Variants in RASGRP2 observed in about 807,000 individuals in gnomAD.
RASGRP2 encodes the protein RAS guanyl releasing protein 2, also known as RAS guanyl-releasing protein 2.
A neutral mutation model predicts 71.0 loss-of-function variants in RASGRP2; 44 were observed. That is an observed-to-expected ratio of 0.62 (90% CI 0.49 to 0.80). The LOEUF (loss-of-function observed/expected upper bound fraction) is 0.80, where lower values mean the gene tolerates loss of function less well. Among genes scored for constraint, RASGRP2 ranks in the 30% least tolerant of loss-of-function variants. The pLI is 0.00. For synonymous variants in RASGRP2, 350 were observed against 330.7 expected, an observed-to-expected ratio of 1.06 and a Z score of -0.63; for missense variants, 663 against 813.4, an observed-to-expected ratio of 0.82 and a Z score of 2.25.
Position 64,735,520 on chromosome 11 carries a change from C to T in RASGRP2, c.1296+22G>A, listed in dbSNP as rs951947607. Reference sequence around the variant, plus strand: ...CAAACTGGCCTCTCCCCACACACTGCTCAGGCTCCGCAGGAGCTCACCTCC... The same window carrying T: ...CAAACTGGCCTCTCCCCACACACTGTTCAGGCTCCGCAGGAGCTCACCTCC... On this transcript the variant is annotated intron_variant, in intron 11 of 16. Transcript: ENST00000394432. This position sits in a 1 kb window ranked among gnomAD's most constrained non-coding sequence, Gnocchi z 4.2. The T allele has an allele frequency of 3.1e-6, 5 of 1,613,686 alleles. No homozygotes were observed. The highest frequency in any genetic ancestry group is 4.2e-6 in the Non-Finnish European group (5 of 1,180,044).
chr11:64,730,779 T>G (rs1565501189), intron 12 of RASGRP2, among the ~76,000 whole-genome samples: 1 of 152,238 alleles, frequency 6.6e-6, no homozygotes, highest in Non-Finnish European at 1.5e-5. Context: ...CCCTGCCTCT[T>G]GACCTGTAGC....
rs183319764 is a variant in RASGRP2 at position 64,742,981 on chromosome 11, G to A, written c.-71-44C>T. ...AGCGGGAGTCTGCGGAGTCGCGGGC[G>A]GGGGAGCGGCCCCGCGGGCAGAAAC... is the stretch of plus-strand genomic sequence containing the variant. On this transcript the variant is annotated intron_variant, in intron 1 of 16. Transcript: ENST00000394432. The surrounding 1 kb of genome is among the most constrained non-coding windows in gnomAD (Gnocchi z 4.7). 30 of 1,506,432 alleles carry A rather than the reference G, an allele frequency of 2.0e-5. No individual in the cohort carries two copies. In the African/African-American group the frequency reaches 2.6e-4, roughly 13 times the overall value. The allele number at this position is 1,506,432 out of a possible 1,614,324, so 93.3% of individuals were successfully genotyped here. A position where few individuals can be genotyped will look rare whatever the true frequency, so the allele number is the denominator to read the frequency against.
chr11:64,735,648 C>T lies in RASGRP2; in HGVS notation c.1190G>A (p.Ser397Asn), dbSNP rs748749998. ...RSKSSPTSPT[S>N]CTPPPRPPVL... Reference sequence around the variant, plus strand: ...CGGGGGCCGGGGTGGTGGGGTGCAACTCGTGGGGCTGGTTGGCTATGGAAA... The same window carrying T: ...CGGGGGCCGGGGTGGTGGGGTGCAATTCGTGGGGCTGGTTGGCTATGGAAA... Residue 397 changes from serine (S) to asparagine (N), a missense_variant, in exon 11 of 17, where the codon AGT (serine) becomes AAT (asparagine). Coordinates refer to ENST00000394432, the MANE Select transcript of RASGRP2 (RefSeq NM_001098671.2). This position sits in a 1 kb window ranked among gnomAD's most constrained non-coding sequence, Gnocchi z 4.2. 6.2e-7 allele frequency: 1 copy of T among 1,612,532 alleles called. No individual in the cohort carries two copies. The highest frequency in any genetic ancestry group is 1.3e-5 in the African/African-American group (1 of 74,886).
chr11:64,743,982 G>C lies in RASGRP2; in HGVS notation c.-72+21C>G. 7 of 989,264 alleles carry C rather than the reference G, an allele frequency of 7.1e-6. No individual in the cohort carries two copies. Among genetic ancestry groups the C allele is most frequent in the Non-Finnish European group, 8.4e-6 (7 of 831,494 alleles). 61.3% of individuals were successfully genotyped at this position (989,264 alleles called of 1,614,324 possible). On this transcript the variant is annotated intron_variant, in intron 1 of 16. Coordinates refer to ENST00000394432, the MANE Select transcript of RASGRP2 (RefSeq NM_001098671.2). The surrounding 1 kb of genome is among the most constrained non-coding windows in gnomAD (Gnocchi z 4.9). Reference sequence around the variant, plus strand: ...CACACCCTGTGCACACCTGCACGAAGAAACCCTCAGGCACACATACCCAGC... The same window carrying C: ...CACACCCTGTGCACACCTGCACGAACAAACCCTCAGGCACACATACCCAGC...
chr11:64,740,573 C>T, intron 5 of RASGRP2: 2 of 659,918 alleles, frequency 3.0e-6, no homozygotes, highest in Non-Finnish European at 5.7e-6. Context: ...AATTCTACCC[C>T]GGAAGAGCCC....
intron 8 of RASGRP2, among the ~76,000 whole-genome samples, chr11:64,737,869 C>T (rs927875126): frequency 2.6e-4 from 40 of 151,700 alleles, no homozygotes; most frequent in African/African-American, 9.4e-4. Context: ...GCCTCGGCAA[C>T]ATGGTGAAAG....
At chr11:64,744,555 T>TC (rs1316390276), upstream of RASGRP2, 1 of 152,222 alleles carries the variant, frequency 6.6e-6, no homozygotes, top group Non-Finnish European at 1.5e-5. Flanking sequence ...ACCGTGGAGG[T>TC]CCTCCGCCCT....
Position 64,744,125 on chromosome 11 carries a change from G to GCA in RASGRP2, c.-196_-195dup. Reference sequence around the variant, plus strand: ...CAGGCGCTGACATCCTCACACGTGTGCACACACGCAAGGCAGTGCCTCTCC... The same window carrying GCA: ...CAGGCGCTGACATCCTCACACGTGTGCACACACACGCAAGGCAGTGCCTCTCC... On this transcript the variant is annotated 5_prime_UTR_variant, in exon 1 of 17. Transcript: ENST00000394432. The GCA allele has an allele frequency of 4.1e-6, 4 of 987,434 alleles. No homozygotes were observed. The highest frequency in any genetic ancestry group is 4.8e-6 in the Non-Finnish European group (4 of 830,526). 61.2% of individuals were successfully genotyped at this position (987,434 alleles called of 1,614,324 possible).
In RASGRP2 at chr11:64,739,564, T is replaced by C; in HGVS notation, c.696+72A>G. 1.2e-6 allele frequency: 2 copies of C among 1,610,478 alleles called. No homozygotes were observed. The highest frequency in any genetic ancestry group is 3.3e-5 in the Admixed American group (2 of 59,978). On this transcript the variant is annotated intron_variant, in intron 7 of 16. Coordinates refer to ENST00000394432, the MANE Select transcript of RASGRP2 (RefSeq NM_001098671.2). This position sits in a 1 kb window ranked among gnomAD's most constrained non-coding sequence, Gnocchi z 4.2. The stretch of plus-strand genomic sequence containing the variant: ...CTTATCTAGAGAGAAGGCAGTGGGT[T>C]AGGGGAAGGGAAGGGTTGGCCTGAC...
In RASGRP2 at chr11:64,735,370, A is replaced by G. The variant is rs1163688622; in HGVS notation, c.1297-143T>C. 2.6e-5 allele frequency: 34 copies of G among 1,290,688 alleles called. No homozygotes were observed. Among genetic ancestry groups the G allele is most frequent in the Non-Finnish European group, 3.8e-5 (34 of 898,760 alleles). The allele number at this position is 1,290,688 out of a possible 1,614,324, so 80.0% of individuals were successfully genotyped here. ...GACACCACCCCCGTTCCATACCTCCACCCCCACCCTACCCAGGGGCACTTC... is the reference window on the plus strand; with the variant it reads ...GACACCACCCCCGTTCCATACCTCCGCCCCCACCCTACCCAGGGGCACTTC... On this transcript the variant is annotated intron_variant, in intron 11 of 16. Transcript: ENST00000394432. The surrounding 1 kb of genome is among the most constrained non-coding windows in gnomAD (Gnocchi z 4.2).
At chr11:64,732,848 G>C (rs1343230565) in intron 12 of RASGRP2, among the ~76,000 whole-genome samples, 1 of 152,024 alleles carries the variant, frequency 6.6e-6, no homozygotes, top group African/African-American at 2.4e-5. Context: ...TACTCGGGAG[G>C]CTGAGACAGG....
Position 64,735,717 on chromosome 11 carries a change from C to T in RASGRP2, c.1174-53G>A. Reference sequence around the variant, plus strand: ...GGCCAGAGGCAGGGGAAGCCCAGAGCCCCGGGGAACAGAGAGGGGAATCCC... The same window carrying T: ...GGCCAGAGGCAGGGGAAGCCCAGAGTCCCGGGGAACAGAGAGGGGAATCCC... On this transcript the variant is annotated intron_variant, in intron 10 of 16. Transcript: ENST00000394432. This position sits in a 1 kb window ranked among gnomAD's most constrained non-coding sequence, Gnocchi z 4.2. 2.5e-6 allele frequency: 4 copies of T among 1,574,324 alleles called. No homozygotes were observed. The highest frequency in any genetic ancestry group is 4.6e-5 in the East Asian group (2 of 43,712).
rs1234828584 is a variant in RASGRP2, at chr11:64,739,720, T to C, written c.612A>G (p.Ser204=). The part of the protein sequence containing the change: ...ERFISLFNSV[S]QWVQLMILSK... Reference sequence around the variant, plus strand: ...TGAGGATCATGAGCTGCACCCACTGTGAGACGCTGTTGAAGAGGGAGATGA... The same window carrying C: ...TGAGGATCATGAGCTGCACCCACTGCGAGACGCTGTTGAAGAGGGAGATGA... The change falls in exon 7 of 17, where the codon TCA becomes TCG. Residue 204 remains serine, a synonymous_variant. Transcript: ENST00000394432. The surrounding 1 kb of genome is among the most constrained non-coding windows in gnomAD (Gnocchi z 4.2). 1 of 1,613,472 alleles carries C rather than the reference T, an allele frequency of 6.2e-7. No homozygotes were observed. The highest frequency in any genetic ancestry group is 1.7e-5 in the Admixed American group (1 of 60,016).
Position 64,743,409 on chromosome 11 carries a change from G to T in RASGRP2, c.-71-472C>A, listed in dbSNP as rs1183741615. 1.1e-5 allele frequency: 4 copies of T among 362,334 alleles called. No homozygotes were observed. The highest frequency in any genetic ancestry group is 8.6e-5 in the African/African-American group (4 of 46,302). The allele number at this position is 362,334 out of a possible 1,614,324, so 22.4% of individuals were successfully genotyped here. A position where few individuals can be genotyped will look rare whatever the true frequency, so the allele number is the denominator to read the frequency against. On this transcript the variant is annotated intron_variant, in intron 1 of 16. Transcript: ENST00000394432. This position sits in a 1 kb window ranked among gnomAD's most constrained non-coding sequence, Gnocchi z 4.9. ...CCCTGGTATGGGAGGTGGGGGGAGAGAACCCAGGCGTCCTGCCCGCCTCGC... is the reference window on the plus strand; with the variant it reads ...CCCTGGTATGGGAGGTGGGGGGAGATAACCCAGGCGTCCTGCCCGCCTCGC...
At chr11:64,729,068 G>A (rs1459946561) in intron 14 of RASGRP2, 26 bp from the exon 15 acceptor site, 2 of 1,572,878 alleles carry the variant, frequency 1.3e-6, no homozygotes, top group Admixed American at 3.6e-5. Context: ...TGGAGAGCCA[G>A]CCAGGGACAT....
intron 16 of RASGRP2, 40 bp from the exon 17 acceptor site, chr11:64,727,171 T>C (rs2135715644): frequency 1.3e-6 from 1 of 776,874 alleles, no homozygotes; most frequent in East Asian, 2.7e-5. Context: ...GACACCCCCC[T>C]AACAACAAGG....
intron 12 of RASGRP2, 98 bp from the exon 13 acceptor site, chr11:64,730,292 T>G: frequency 6.8e-7 from 1 of 1,478,576 alleles, no homozygotes; most frequent in Non-Finnish European, 9.2e-7. Flanking sequence ...CTCATGGAAC[T>G]CCTGATTTTG....
chr11:64,739,902 C>A lies in RASGRP2; in HGVS notation c.523-93G>T. On this transcript the variant is annotated intron_variant, in intron 6 of 16. Transcript: ENST00000394432. This position sits in a 1 kb window ranked among gnomAD's most constrained non-coding sequence, Gnocchi z 4.2. ...CTCCAGCTGACCTTCAGTGGTTACACTGAAACCCCTGATGCACCCTGTGAC... is the reference window on the plus strand; with the variant it reads ...CTCCAGCTGACCTTCAGTGGTTACAATGAAACCCCTGATGCACCCTGTGAC... 1 of 1,606,146 alleles carries A rather than the reference C, an allele frequency of 6.2e-7. No homozygotes were observed. Among genetic ancestry groups the A allele is most frequent in the Non-Finnish European group, 8.5e-7 (1 of 1,175,596 alleles).
chr11:64,730,137 C>T lies in RASGRP2; in HGVS notation c.1470G>A (p.Val490=), dbSNP rs2057717986. 1.3e-6 allele frequency: 2 copies of T among 1,551,530 alleles called. No homozygotes were observed. The highest frequency in any genetic ancestry group is 1.7e-6 in the Non-Finnish European group (2 of 1,147,018). ...GTACGAAGCCCATGCGCCCCCCCAA[C>T]ACAGAGCTGGAGCGCAGGAAATAGG... The part of the protein sequence containing the change: ...MVSYFLRSSS[V]LGGRMGFVHN... The change falls in exon 13 of 17, where the codon GTG becomes GTA. Residue 490 remains valine (V), a synonymous_variant. Transcript: ENST00000394432.
Sources: allele counts gnomAD v4.1 joint callset (sites outside exome capture counted in the v4.1 genomes callset), GRCh38; gene constraint gnomAD v4.1.1; non-coding constraint Gnocchi (gnomAD v3.1); transcripts MANE v1.5; gene names NCBI Gene and HGNC (gene_info 2026-07-23, HGNC 2026-07-21).